POMT2: variants seen among roughly 807,000 people sequenced by gnomAD.
POMT2 encodes the protein protein O-mannosyltransferase 2, also known as protein O-mannosyl-transferase 2.
POMT2 carries 75 observed loss-of-function variants against 100.0 expected under a neutral mutation model. The observed-to-expected ratio is 0.75, with a 90% confidence interval of 0.62 to 0.91. The LOEUF is 0.91. Ranked by LOEUF, POMT2 falls within the 40% of genes least tolerant of loss-of-function variation. POMT2 has a pLI of 0.00. For missense variants in POMT2, 940 were observed against 955.1 expected (o/e 0.98, Z 0.21); for synonymous variants, 378 against 374.1 (o/e 1.01, Z -0.12).
chr14:77,287,099 G>A (rs999444133), intron 11 of POMT2: 19 of 472,490 alleles, frequency 4.0e-5, no homozygotes, highest in Non-Finnish European at 4.1e-5. Context: ...AGGGAGGTGG[G>A]GGGCGACTTT....
chr14:77,299,552 CCA>C lies in POMT2; in HGVS notation c.824_825del (p.Val275GlyfsTer32). On this transcript the variant is annotated frameshift_variant, in exon 7 of 21. Coordinates refer to ENST00000261534, the MANE Select transcript of POMT2 (RefSeq NM_013382.7). LOFTEE classifies it high-confidence loss of function. ...AGGACACGAGCAGTCAGGTGTTTTCCCACAGTCACCTGCAAACAGAGGCCAGC... is the reference window on the plus strand; with the variant it reads ...AGGACACGAGCAGTCAGGTGTTTTCCCAGTCACCTGCAAACAGAGGCCAGC... ...FGDLSLSLVT[V>X]GKHLTARVLC... 6.2e-7 allele frequency: 1 copy of C among 1,614,046 alleles called. No individual in the cohort carries two copies. The highest frequency in any genetic ancestry group is 8.5e-7 in the Non-Finnish European group (1 of 1,179,938).
chr14:77,284,910 G>T, intron 14 of POMT2, 40 bp downstream of exon 14: 1 of 1,508,016 alleles, frequency 6.6e-7, no homozygotes, highest in Non-Finnish European at 9.2e-7. Context: ...TCTTATAAAT[G>T]CTTCCCTCCA....
intron 5 of POMT2, among the ~76,000 whole-genome samples, chr14:77,302,048 CACA>C (rs1891063172): frequency 6.6e-6 from 1 of 152,148 alleles, no homozygotes; most frequent in South Asian, 2.1e-4. Flanking sequence ...GTGGCATAAG[CACA>C]ACAACCAAAG....
At position 77,297,401 on chromosome 14, in the gene POMT2, T is replaced by C. The variant is rs6574365; in HGVS notation, c.1007-1128A>G. Among the ~76,000 whole-genome samples, 740 of 152,304 alleles carry C rather than the reference T, an allele frequency of 4.9e-3. 3 individuals carry two copies. Among genetic ancestry groups the C allele is most frequent in the African/African-American group, 0.016 (683 of 41,566 alleles). ...CTACAGTTTCCTTACAAATCACAGC[T>C]ACTGCCACAGCATCAATTACCGTTT... On this transcript the variant is annotated intron_variant, in intron 8 of 20. Coordinates refer to ENST00000261534, the MANE Select transcript of POMT2 (RefSeq NM_013382.7).
intron 11 of POMT2, 126 bp from the exon 12 acceptor site, chr14:77,286,948 C>G (rs1890447064): frequency 6.5e-7 from 1 of 1,530,184 alleles, no homozygotes. Flanking sequence ...ACTATTAAAT[C>G]CAACATATCA....
chr14:77,297,994 C>A (rs1243119228), intron 8 of POMT2, among the ~76,000 whole-genome samples: 1 of 152,240 alleles, frequency 6.6e-6, no homozygotes, highest in African/African-American at 2.4e-5. Flanking sequence ...CCCTCATAGT[C>A]TGGGCCCAAC....
At chr14:77,318,474 T>C (rs564029053) in intron 1 of POMT2, among the ~76,000 whole-genome samples, 1 of 152,180 alleles carries the variant, frequency 6.6e-6, no homozygotes, top group Non-Finnish European at 1.5e-5. Flanking sequence ...CCACCTTCTA[T>C]CAATGCGGCT....
At chr14:77,299,964 C>T (rs761863034) in intron 6 of POMT2, 4 of 284,822 alleles carry the variant, frequency 1.4e-5, no homozygotes, top group East Asian at 8.9e-5. Context: ...ATCTTAACTT[C>T]GCGGCTTCCT....
chr14:77,288,460 C>T (rs1890518137), intron 11 of POMT2, among the ~76,000 whole-genome samples: 1 of 152,010 alleles, frequency 6.6e-6, no homozygotes, highest in African/African-American at 2.4e-5. Context: ...CGCTTGAGCC[C>T]AGGACTCTGA....
chr14:77,291,906 T>C (rs1305847210), intron 9 of POMT2, among the ~76,000 whole-genome samples: 2 of 152,058 alleles, frequency 1.3e-5, no homozygotes, highest in African/African-American at 2.4e-5. Flanking sequence ...GGTACGCGCC[T>C]GTAATCCCAA....
Position 77,296,203 on chromosome 14 carries a change from C to T in POMT2, c.1077G>A (p.Arg359=). 1 of 1,609,078 alleles carries T rather than the reference C, an allele frequency of 6.2e-7. No homozygotes were observed. Among genetic ancestry groups the T allele is most frequent in the South Asian group, 1.1e-5 (1 of 89,526 alleles). The change falls in exon 9 of 21, where the codon AGG becomes AGA. Residue 359 remains arginine (R), a synonymous_variant. Transcript: ENST00000261534. ...CACCAATGCCCTCGGGGTAGAGGTG[C>T]CTGTGGGAGTGCAGATAGCCGATGG... ...RMAIGYLHSH[R]HLYPEGIGAR...
intron 10 of POMT2, 46 bp from the exon 11 acceptor site, chr14:77,288,877 C>T (rs967728168): frequency 3.8e-5 from 59 of 1,549,164 alleles, no homozygotes; most frequent in Non-Finnish European, 4.9e-5. Flanking sequence ...ACTCACCAGG[C>T]TAGTATTAAT....
Position 77,299,475 on chromosome 14 carries a change from G to A in POMT2, c.903C>T (p.His301=). Residue 301 remains histidine, a synonymous_variant, in exon 7 of 21, where the codon CAC becomes CAT. Transcript: ENST00000261534. ...TGTACCTTTTACTCAGCACCATGAA[G>A]TGAACAGCAAAGGTGGCTGTATAGA... The part of the protein sequence containing the change: ...LALYTATFAV[H]FMVLSKSGPG... The A allele has an allele frequency of 6.2e-7, 1 of 1,614,050 alleles. No homozygotes were observed. The highest frequency in any genetic ancestry group is 8.5e-7 in the Non-Finnish European group (1 of 1,179,930).
chr14:77,315,420 C>T lies in POMT2; in HGVS notation c.249-3387G>A, dbSNP rs192041565. On this transcript the variant is annotated intron_variant, in intron 1 of 20. Transcript: ENST00000261534. ...TAGCCCCTGATGCAGGCCTTCTAGACGCATTAGTTCGAGGGGAAAAAGTGT... is the reference window on the plus strand; with the variant it reads ...TAGCCCCTGATGCAGGCCTTCTAGATGCATTAGTTCGAGGGGAAAAAGTGT... Among the ~76,000 whole-genome samples the T allele has an allele frequency of 3.6e-3, 551 of 152,310 alleles. 2 individuals carry two copies. The highest frequency in any genetic ancestry group is 5.9e-3 in the Non-Finnish European group (403 of 68,030).
intron 2 of POMT2, among the ~76,000 whole-genome samples, chr14:77,309,632 G>A (rs1030727539): frequency 1.3e-5 from 2 of 152,022 alleles, no homozygotes. Flanking sequence ...CCCTTCACAC[G>A]GGCAACCAGA....
chr14:77,282,204 T>C (rs1189811183), intron 15 of POMT2, among the ~76,000 whole-genome samples: 3 of 152,202 alleles, frequency 2.0e-5, no homozygotes, highest in South Asian at 4.1e-4. Flanking sequence ...GGGAATCTTA[T>C]TCACTACATT....
At position 77,275,104 on chromosome 14, in the gene POMT2, ACGTTT is replaced by A. The variant is rs1889886176; in HGVS notation, c.*2267_*2271del. 1 of 152,092 alleles carries A rather than the reference ACGTTT, an allele frequency of 6.6e-6. No homozygotes were observed. Among genetic ancestry groups the A allele is most frequent in the African/African-American group, 2.4e-5 (1 of 41,404 alleles). 9.4% of individuals were successfully genotyped at this position (152,092 alleles called of 1,614,324 possible). A position where few individuals can be genotyped will look rare whatever the true frequency, so the allele number is the denominator to read the frequency against. ...CCACCAGCAGTTTGTGGGACACATC[ACGTTT>A]CTGCCAAGTGCTACAGCTGAAGCCC... On this transcript the variant is annotated 3_prime_UTR_variant, in exon 21 of 21. Coordinates refer to ENST00000261534, the MANE Select transcript of POMT2 (RefSeq NM_013382.7).
intron 18 of POMT2, chr14:77,279,548 C>T (rs1890126335): frequency 1.7e-6 from 1 of 589,636 alleles, no homozygotes; most frequent in Non-Finnish European, 3.2e-6. Flanking sequence ...AGCTGTATGT[C>T]CTGGGGCAAG....
At chr14:77,277,691 C>G (rs936753816) in intron 20 of POMT2, among the ~76,000 whole-genome samples, 26 of 152,208 alleles carry the variant, frequency 1.7e-4, no homozygotes, top group African/African-American at 6.3e-4. Context: ...ATGGAAAGGG[C>G]TCTTCCCAAG....
Sources: gnomAD v4.1 joint callset for allele counts (sites outside exome capture counted in the v4.1 genomes callset) on GRCh38, gnomAD v4.1.1 for gene constraint, MANE v1.5 for transcripts, NCBI Gene and HGNC (gene_info 2026-07-23, HGNC 2026-07-21) for gene names.